Variants in WDR49 observed in about 807,000 individuals in gnomAD.
The protein encoded by WDR49 is cilia- and flagella-associated protein 337.
Under a neutral mutation model 119.5 loss-of-function variants are expected in WDR49, and 107 were observed. That is an observed-to-expected ratio of 0.90 (90% CI 0.77 to 1.05). WDR49 has a LOEUF of 1.05. Among genes scored for constraint, WDR49 ranks in the 50% least tolerant of loss-of-function variants. The pLI, the probability that WDR49 is intolerant of heterozygous loss-of-function variation, is 0.00. For synonymous variants in WDR49, 425 were observed against 418.8 expected (o/e 1.01, Z -0.18); for missense variants, 1,240 against 1,220.5 (o/e 1.02, Z -0.24).
chr3:167,572,853 A>C (rs115424047), intron 8 of WDR49, among the ~76,000 whole-genome samples: 2,353 of 152,314 alleles, frequency 0.015, 18 homozygotes, highest in South Asian at 0.024. Flanking sequence ...AATGTTTACA[A>C]GACGAAACTG....
intron 16 of WDR49, among the ~76,000 whole-genome samples, chr3:167,511,276 T>C (rs946482610): frequency 1.4e-4 from 22 of 152,220 alleles, no homozygotes; most frequent in Admixed American, 1.4e-3. Flanking sequence ...AGTCTTAAAA[T>C]TATATCAATC....
chr3:167,528,101 T>G, intron 14 of WDR49, 84 bp from the exon 15 acceptor site: 1 of 1,194,876 alleles, frequency 8.4e-7, no homozygotes, highest in Non-Finnish European at 1.2e-6. Flanking sequence ...AAAAGGCCGA[T>G]TTTCAAACTT....
At chr3:167,553,649 A>T (rs1303665728) in intron 10 of WDR49, among the ~76,000 whole-genome samples, 1 of 152,152 alleles carries the variant, frequency 6.6e-6, no homozygotes, top group Non-Finnish European at 1.5e-5. Context: ...TATAGCGATC[A>T]TTAGATCATA....
intron 10 of WDR49, among the ~76,000 whole-genome samples, chr3:167,548,076 C>T (rs541915214): frequency 8.9e-4 from 136 of 152,108 alleles, no homozygotes; most frequent in African/African-American, 3.1e-3. Flanking sequence ...CATCTGAATA[C>T]TTTGATAAAA....
chr3:167,593,012 T>C (rs1715220343), intron 7 of WDR49, among the ~76,000 whole-genome samples: 1 of 152,206 alleles, frequency 6.6e-6, no homozygotes, highest in South Asian at 2.1e-4. Flanking sequence ...TCTTTTCTCT[T>C]ACTGCCCTTA....
At chr3:167,581,549 A>C (rs1416394038) in intron 7 of WDR49, among the ~76,000 whole-genome samples, 1 of 152,210 alleles carries the variant, frequency 6.6e-6, no homozygotes, top group Non-Finnish European at 1.5e-5. Context: ...AATGTAGGAC[A>C]TCACCATGTT....
At chr3:167,654,318 T>C (rs955192449), upstream of WDR49, among the ~76,000 whole-genome samples, 1 of 152,164 alleles carries the variant, frequency 6.6e-6, no homozygotes, top group Non-Finnish European at 1.5e-5. Context: ...TGTCTTAGTT[T>C]CTATGTATAT....
chr3:167,537,285 C>A (rs983175541), intron 10 of WDR49, among the ~76,000 whole-genome samples: 6 of 152,130 alleles, frequency 3.9e-5, no homozygotes, highest in Non-Finnish European at 5.9e-5. Flanking sequence ...TTATCCATCA[C>A]CACGACCCTA....
intron 13 of WDR49, among the ~76,000 whole-genome samples, chr3:167,530,487 T>C (rs886174003): frequency 6.6e-6 from 1 of 152,030 alleles, no homozygotes; most frequent in Non-Finnish European, 1.5e-5. Flanking sequence ...TTATTTCACT[T>C]ACATAATATC....
At chr3:167,633,015 T>C (rs978541585) in intron 2 of WDR49, among the ~76,000 whole-genome samples, 3 of 151,898 alleles carry the variant, frequency 2.0e-5, no homozygotes, top group Admixed American at 2.0e-4. Context: ...TGCTGAAGGG[T>C]TTAGAGAATA....
intron 5 of WDR49, 97 bp downstream of exon 5, chr3:167,620,332 T>G (rs2108321085): frequency 7.8e-7 from 1 of 1,287,352 alleles, no homozygotes; most frequent in South Asian, 1.9e-5. Flanking sequence ...TATTGGTTTC[T>G]AGACTTAAAG....
chr3:167,588,851 G>A (rs562371206), intron 7 of WDR49, among the ~76,000 whole-genome samples: 1 of 152,098 alleles, frequency 6.6e-6, no homozygotes, highest in African/African-American at 2.4e-5. Context: ...CTTGTCAGAT[G>A]GATAGTTTGT....
At chr3:167,624,704 A>G (rs1040832130) in intron 3 of WDR49, among the ~76,000 whole-genome samples, 1 of 152,124 alleles carries the variant, frequency 6.6e-6, no homozygotes, top group Non-Finnish European at 1.5e-5. Context: ...AAGAAAGGCT[A>G]AGATTTTAGT....
intron 15 of WDR49, among the ~76,000 whole-genome samples, chr3:167,525,305 G>T (rs55650939): frequency 0.032 from 4,901 of 152,018 alleles, 256 homozygotes; most frequent in African/African-American, 0.11. Flanking sequence ...GGAGTTTTTG[G>T]GCTGAGACAA....
intron 2 of WDR49, among the ~76,000 whole-genome samples, chr3:167,641,324 G>A (rs561298284): frequency 2.0e-5 from 3 of 151,952 alleles, no homozygotes; most frequent in South Asian, 4.1e-4. Flanking sequence ...GTGTTTCTCA[G>A]CAACACTTCT....
chr3:167,537,172 A>G (rs1398800820), intron 10 of WDR49, among the ~76,000 whole-genome samples, 172 bp from the exon 11 acceptor site: 1 of 152,122 alleles, frequency 6.6e-6, no homozygotes, highest in East Asian at 1.9e-4. Flanking sequence ...CATTTTTATT[A>G]CCTCATTAAA....
intron 9 of WDR49, among the ~76,000 whole-genome samples, chr3:167,559,654 TC>T (rs1394086591): frequency 6.6e-6 from 1 of 152,192 alleles, no homozygotes; most frequent in Non-Finnish European, 1.5e-5. Flanking sequence ...AAAATTTGCA[TC>T]TATGCCATTT....
intron 15 of WDR49, among the ~76,000 whole-genome samples, chr3:167,524,333 A>G (rs1752559585): frequency 6.6e-6 from 1 of 152,052 alleles, no homozygotes; most frequent in South Asian, 2.1e-4. Flanking sequence ...TGATTGCAAA[A>G]ATTTTCTCCC....
intron 18 of WDR49, among the ~76,000 whole-genome samples, chr3:167,498,616 A>G (rs1457886972): frequency 6.6e-6 from 1 of 152,200 alleles, no homozygotes; most frequent in Non-Finnish European, 1.5e-5. Context: ...CACTGTGAAC[A>G]AAGGTTGTCT....
Sources: gnomAD v4.1 joint callset for allele counts (sites outside exome capture counted in the v4.1 genomes callset) on GRCh38, gnomAD v4.1.1 for gene constraint, MANE v1.5 for transcripts, NCBI Gene and HGNC (gene_info 2026-07-23, HGNC 2026-07-21) for gene names.